SGIP1: variants seen among roughly 807,000 people sequenced by gnomAD.
The protein encoded by SGIP1 is SH3GL interacting endocytic adaptor 1, also known as SH3-containing GRB2-like protein 3-interacting protein 1.
A neutral mutation model predicts 107.5 loss-of-function variants in SGIP1; 38 were observed. The ratio of observed to expected loss-of-function variants is 0.35; its 90% confidence interval spans 0.27 to 0.46. SGIP1 has a LOEUF of 0.46. Among genes scored for constraint, SGIP1 ranks in the 20% least tolerant of loss-of-function variants. The probability of loss-of-function intolerance (pLI) is 1.00; values close to 1 mark genes in which losing one functional copy is unlikely to be tolerated. For synonymous variants in SGIP1, 365 were observed against 366.1 expected, an observed-to-expected ratio of 1.00 and a Z score of 0.03; for missense variants, 929 against 1,019.5, an observed-to-expected ratio of 0.91 and a Z score of 1.21.
At chr1:66,681,259 A>G (rs910893200) in intron 14 of SGIP1, among the ~76,000 whole-genome samples, 5 of 152,202 alleles carry the variant, frequency 3.3e-5, no homozygotes, top group South Asian at 2.1e-4. Context: ...ATACCTTCTT[A>G]ATCTTTGTAC....
chr1:66,550,408 T>C (rs1291375018), intron 1 of SGIP1, among the ~76,000 whole-genome samples: 1 of 152,070 alleles, frequency 6.6e-6, no homozygotes, highest in Non-Finnish European at 1.5e-5. Context: ...CATTCTCTAA[T>C]TAGACCTCAC....
rs1197339481 is a variant in SGIP1 at position 66,750,036 on chromosome 1, GGTGTGTGTGTGTGT to G, written c.*6960_*6973del. ...CTCTCTTTCTCTGTGTGTGTGTGGG[GGTGTGTGTGTGTGT>G]GTGTGTGTGTGTGTGTGTCTCTTTC... On this transcript the variant is annotated 3_prime_UTR_variant, in exon 25 of 25. Coordinates refer to ENST00000371037, the MANE Select transcript of SGIP1 (RefSeq NM_032291.4). Among the ~76,000 whole-genome samples, 2 of 119,072 alleles carry G rather than the reference GGTGTGTGTGTGTGT, an allele frequency of 1.7e-5. No homozygotes were observed. The highest frequency in any genetic ancestry group is 6.4e-5 in the African/African-American group (2 of 31,448). 78.1% of individuals were successfully genotyped at this position (119,072 alleles called of 152,430 possible). A position where few individuals can be genotyped will look rare whatever the true frequency, so the allele number is the denominator to read the frequency against.
intron 1 of SGIP1, among the ~76,000 whole-genome samples, chr1:66,621,613 A>G: frequency 6.6e-6 from 1 of 151,858 alleles, no homozygotes; most frequent in Non-Finnish European, 1.5e-5. Flanking sequence ...TTCCCACTCC[A>G]CTCGGCCTCT....
intron 1 of SGIP1, among the ~76,000 whole-genome samples, chr1:66,570,701 A>T (rs954723110): frequency 6.6e-6 from 1 of 151,960 alleles, no homozygotes; most frequent in Non-Finnish European, 1.5e-5. Flanking sequence ...AGCAAAACAT[A>T]TGTAGTTCCC....
At chr1:66,735,194 G>T (rs921508039) in intron 21 of SGIP1, among the ~76,000 whole-genome samples, 5 of 151,236 alleles carry the variant, frequency 3.3e-5, no homozygotes, top group East Asian at 2.0e-4. Flanking sequence ...TTATTTTTAT[G>T]TTATTTTATT....
rs1466516334 is a variant in SGIP1 at position 66,745,735 on chromosome 1, AG to A, written c.*2642del. On this transcript the variant is annotated 3_prime_UTR_variant, in exon 25 of 25. Coordinates refer to ENST00000371037, the MANE Select transcript of SGIP1 (RefSeq NM_032291.4). The stretch of plus-strand genomic sequence containing the variant: ...TTTCCTGAACGTTATGATCTTTAAA[AG>A]GTTCTGCTTTAGCAAGATAAAAAGT... The A allele has an allele frequency of 6.6e-6, 1 of 152,130 alleles. No individual in the cohort carries two copies. The highest frequency in any genetic ancestry group is 1.5e-5 in the Non-Finnish European group (1 of 67,952). The allele number at this position is 152,130 out of a possible 1,614,324, so 9.4% of individuals were successfully genotyped here. A position where few individuals can be genotyped will look rare whatever the true frequency, so the allele number is the denominator to read the frequency against.
At chr1:66,578,530 T>A (rs559555229) in intron 1 of SGIP1, among the ~76,000 whole-genome samples, 1 of 152,142 alleles carries the variant, frequency 6.6e-6, no homozygotes, top group Non-Finnish European at 1.5e-5. Context: ...AAGCAATTGT[T>A]TTTATTCACT....
intron 1 of SGIP1, among the ~76,000 whole-genome samples, chr1:66,583,937 A>G (rs2062178048): frequency 6.6e-6 from 1 of 152,172 alleles, no homozygotes; most frequent in African/African-American, 2.4e-5. Flanking sequence ...TAAAAGTTGT[A>G]CTTGGCTAAA....
chr1:66,735,485 T>C (rs1258214523), intron 21 of SGIP1, among the ~76,000 whole-genome samples: 1 of 151,916 alleles, frequency 6.6e-6, no homozygotes, highest in African/African-American at 2.4e-5. Context: ...AAAGTGCCAC[T>C]GTGCCCAGCC....
chr1:66,743,192 C>A lies in SGIP1; in HGVS notation c.*97C>A. 7.9e-7 allele frequency: 1 copy of A among 1,258,654 alleles called. No homozygotes were observed. Among genetic ancestry groups the A allele is most frequent in the Non-Finnish European group, 1.1e-6 (1 of 872,572 alleles). 78.0% of individuals were successfully genotyped at this position (1,258,654 alleles called of 1,614,324 possible). A position where few individuals can be genotyped will look rare whatever the true frequency, so the allele number is the denominator to read the frequency against. On this transcript the variant is annotated 3_prime_UTR_variant, in exon 25 of 25. Transcript: ENST00000371037. ...TGGTTTGATGAAAACAAACCAATAT[C>A]TGCACTTGGGATATATCAGGTGGAA...
At chr1:66,712,105 C>T (rs1026353639) in intron 18 of SGIP1, among the ~76,000 whole-genome samples, 5 of 152,094 alleles carry the variant, frequency 3.3e-5, no homozygotes, top group African/African-American at 9.7e-5. Flanking sequence ...AAGAAAGAGA[C>T]GTTTAAAATA....
At chr1:66,605,146 G>A (rs2066582886) in intron 1 of SGIP1, among the ~76,000 whole-genome samples, 1 of 152,124 alleles carries the variant, frequency 6.6e-6, no homozygotes. Context: ...GGACCCCCAT[G>A]ACCTGACCCT....
At chr1:66,592,727 A>G in intron 1 of SGIP1, among the ~76,000 whole-genome samples, 1 of 152,098 alleles carries the variant, frequency 6.6e-6, no homozygotes, top group Non-Finnish European at 1.5e-5. Context: ...CACTGTCCTA[A>G]AAAGCTGTGC....
chr1:66,642,338 C>T (rs1378876519), intron 5 of SGIP1, among the ~76,000 whole-genome samples: 1 of 152,144 alleles, frequency 6.6e-6, no homozygotes, highest in African/African-American at 2.4e-5. Flanking sequence ...CTGCCCTCTC[C>T]TGTCTGTCCT....
chr1:66,605,589 T>C (rs1048725911), intron 1 of SGIP1, among the ~76,000 whole-genome samples: 4 of 151,578 alleles, frequency 2.6e-5, no homozygotes, highest in Non-Finnish European at 5.9e-5. Flanking sequence ...ACAAAACTAC[T>C]GCGCTATCTA....
intron 2 of SGIP1, among the ~76,000 whole-genome samples, chr1:66,631,179 G>A (rs2074603061): frequency 6.6e-6 from 1 of 152,050 alleles, no homozygotes; most frequent in East Asian, 1.9e-4. Flanking sequence ...CCTATCCTCA[G>A]TGCTCTCCTG....
At chr1:66,600,735 G>GTCCC (rs906460600) in intron 1 of SGIP1, among the ~76,000 whole-genome samples, 1 of 152,110 alleles carries the variant, frequency 6.6e-6, no homozygotes, top group African/African-American at 2.4e-5. Flanking sequence ...ATAATAAGTG[G>GTCCC]TCCCCTAAGC....
intron 1 of SGIP1, among the ~76,000 whole-genome samples, chr1:66,553,645 C>T (rs1483137380): frequency 2.7e-5 from 4 of 147,736 alleles, no homozygotes; most frequent in African/African-American, 1.0e-4. Context: ...CACTGCACTC[C>T]AGTCTGGGTG....
At chr1:66,731,112 G>A (rs573119226) in intron 20 of SGIP1, among the ~76,000 whole-genome samples, 1 of 152,242 alleles carries the variant, frequency 6.6e-6, no homozygotes, top group East Asian at 1.9e-4. Flanking sequence ...TTCCTTTGTA[G>A]CACTTACTAC....
Sources: allele counts gnomAD v4.1 joint callset (sites outside exome capture counted in the v4.1 genomes callset), GRCh38; gene constraint gnomAD v4.1.1; transcripts MANE v1.5; gene names NCBI Gene and HGNC (gene_info 2026-07-23, HGNC 2026-07-21).